The following SMG6 variants were observed in gnomAD, a reference collection of about 807,000 sequenced individuals.
The protein encoded by SMG6 is telomerase-binding protein EST1A.
In SMG6, 66 loss-of-function variants were observed where a neutral mutation model predicts 142.2. The ratio of observed to expected loss-of-function variants is 0.46; its 90% CI spans 0.38 to 0.57. SMG6 has a LOEUF of 0.57. Among genes scored for constraint, SMG6 ranks in the 20% least tolerant of loss-of-function variants. The pLI is 0.00. For synonymous variants in SMG6, 779 were observed against 702.4 expected (o/e 1.11, Z -1.72); for missense variants, 1,793 against 1,832.0 (o/e 0.98, Z 0.39).
chr17:2,263,289 C>A (rs576193779), intron 8 of SMG6, among the ~76,000 whole-genome samples: 51 of 152,272 alleles, frequency 3.3e-4, no homozygotes, highest in Non-Finnish European at 6.9e-4. Flanking sequence ...AAAGACACCA[C>A]GCAACACAAA....
At chr17:2,180,332 C>A (rs1360468817) in intron 12 of SMG6, among the ~76,000 whole-genome samples, 2 of 152,196 alleles carry the variant, frequency 1.3e-5, no homozygotes, top group Non-Finnish European at 2.9e-5. Flanking sequence ...AGGCCACTTT[C>A]CACATCCTGC....
At chr17:2,137,668 C>T (rs186630711) in intron 13 of SMG6, among the ~76,000 whole-genome samples, 32 of 152,126 alleles carry the variant, frequency 2.1e-4, no homozygotes, top group Non-Finnish European at 3.2e-4. Context: ...AGAATGACCC[C>T]AGCAAGCAGA....
chr17:2,065,221 G>T, intron 17 of SMG6, 67 bp from the exon 18 acceptor site: 1 of 1,196,582 alleles, frequency 8.4e-7, no homozygotes, highest in Non-Finnish European at 1.2e-6. Flanking sequence ...GAGGAGGAGG[G>T]ATCCTCTGCC....
At chr17:2,174,256 C>A (rs1219924612) in intron 12 of SMG6, among the ~76,000 whole-genome samples, 3 of 152,134 alleles carry the variant, frequency 2.0e-5, no homozygotes, top group Non-Finnish European at 4.4e-5. Flanking sequence ...GAAGAATCAT[C>A]CTGGAATCTC....
At chr17:2,100,344 T>C (rs2068972201) in intron 13 of SMG6, among the ~76,000 whole-genome samples, 1 of 152,182 alleles carries the variant, frequency 6.6e-6, no homozygotes, top group South Asian at 2.1e-4. Flanking sequence ...GCCTAATCTT[T>C]GTATTTTTTT....
chr17:2,164,960 A>G (rs991163671), intron 13 of SMG6, among the ~76,000 whole-genome samples: 1 of 152,046 alleles, frequency 6.6e-6, no homozygotes, highest in Non-Finnish European at 1.5e-5. Flanking sequence ...AAAATCCTTG[A>G]TGACATCTGC....
intron 13 of SMG6, among the ~76,000 whole-genome samples, chr17:2,131,421 GAGT>G (rs1410702850): frequency 6.6e-6 from 1 of 151,896 alleles, no homozygotes; most frequent in Non-Finnish European, 1.5e-5. Context: ...TCAGCCTCCT[GAGT>G]AGCTAGGACT....
intron 13 of SMG6, among the ~76,000 whole-genome samples, chr17:2,116,901 G>C (rs2069524388): frequency 6.6e-6 from 1 of 151,438 alleles, no homozygotes; most frequent in Non-Finnish European, 1.5e-5. Context: ...GAAAAACATG[G>C]GTAAAAATCA....
intron 8 of SMG6, among the ~76,000 whole-genome samples, chr17:2,246,933 G>C (rs1420345397): frequency 6.6e-6 from 1 of 152,176 alleles, no homozygotes; most frequent in African/African-American, 2.4e-5. Context: ...ACAACAAAGA[G>C]CGAAACTCTG....
At chr17:2,292,656 A>G in intron 5 of SMG6, 26 bp from the exon 6 acceptor site, 1 of 1,612,388 alleles carries the variant, frequency 6.2e-7, no homozygotes, top group Non-Finnish European at 8.5e-7. Context: ...CAGTAAGAAA[A>G]TGCTAGTTCC....
At chr17:2,205,508 A>C (rs1316217464) in intron 10 of SMG6, among the ~76,000 whole-genome samples, 1 of 152,222 alleles carries the variant, frequency 6.6e-6, no homozygotes, top group East Asian at 1.9e-4. Context: ...AGTAGATTAG[A>C]GAATCAAGAC....
In SMG6 at chr17:2,085,699, C is replaced by T; in HGVS notation, c.3534+26G>A. The T allele has an allele frequency of 6.3e-7, 1 of 1,593,554 alleles. No individual in the cohort carries two copies. The highest frequency in any genetic ancestry group is 8.5e-7 in the Non-Finnish European group (1 of 1,170,192). On this transcript the variant is annotated intron_variant, in intron 14 of 18. Transcript: ENST00000263073. This position sits in a 1 kb window ranked among gnomAD's most constrained non-coding sequence, Gnocchi z 4.1. ...AATGGGGAGGGGGCCTTCCCTCTGCCACAGCGGGCTCTTCCCGCATAGTAC... is the reference window on the plus strand; with the variant it reads ...AATGGGGAGGGGGCCTTCCCTCTGCTACAGCGGGCTCTTCCCGCATAGTAC...
intron 13 of SMG6, among the ~76,000 whole-genome samples, chr17:2,134,140 TA>T (rs926433993): frequency 1.3e-5 from 2 of 152,100 alleles, no homozygotes; most frequent in Non-Finnish European, 2.9e-5. Flanking sequence ...GTCTAAGTCT[TA>T]ATCTTCTCAG....
At chr17:2,269,122 C>G (rs216180) in intron 8 of SMG6, among the ~76,000 whole-genome samples, 86,440 of 149,738 alleles carry the variant, frequency 0.58, 26,038 homozygotes, top group East Asian at 0.76. Context: ...CGAGAGGCTG[C>G]GGCAGGAGAA....
In SMG6 at chr17:2,299,600, C is replaced by A. The variant is rs1384475182; in HGVS notation, c.1153G>T (p.Gly385Trp). 1.2e-6 allele frequency: 2 copies of A among 1,614,208 alleles called. No individual in the cohort carries two copies. The highest frequency in any genetic ancestry group is 2.2e-5 in the East Asian group (1 of 44,884). ...RGKPDKGLSS[G>W]GKGSEKQESK... Reference sequence around the variant, plus strand: ...TCCTGCTTCTCAGAGCCTTTGCCCCCACTGCTCAAGCCTTTGTCAGGCTTT... The same window carrying A: ...TCCTGCTTCTCAGAGCCTTTGCCCCAACTGCTCAAGCCTTTGTCAGGCTTT... The change falls in exon 2 of 19, where the codon GGG (glycine) becomes TGG (tryptophan). Residue 385 changes from glycine (G) to tryptophan (W), a missense_variant. By Grantham distance (184) the Gly-to-Trp change is radical. This residue lies in a region of SMG6 where 1,597 missense variants were observed against 1,584.6 expected (regional missense o/e 1.01). Transcript: ENST00000263073. The surrounding 1 kb of genome is among the most constrained non-coding windows in gnomAD (Gnocchi z 4.3).
chr17:2,221,379 A>T (rs1487163689), intron 10 of SMG6, among the ~76,000 whole-genome samples: 1 of 152,168 alleles, frequency 6.6e-6, no homozygotes, highest in East Asian at 1.9e-4. Context: ...CAGCCATGGA[A>T]GACGTGCCTC....
intron 13 of SMG6, chr17:2,117,586 C>G (rs993452448): frequency 2.0e-5 from 3 of 152,070 alleles, no homozygotes; most frequent in African/African-American, 7.2e-5. Context: ...TAGGAATAAA[C>G]TTAACAGACA....
At chr17:2,230,322 A>G (rs2073450373) in intron 10 of SMG6, among the ~76,000 whole-genome samples, 1 of 119,108 alleles carries the variant, frequency 8.4e-6, no homozygotes, top group Non-Finnish European at 1.7e-5. Flanking sequence ...AAAAAAAAAA[A>G]AAAAAAAAAA....
intron 13 of SMG6, among the ~76,000 whole-genome samples, chr17:2,157,893 T>C (rs1000143173): frequency 3.9e-5 from 6 of 152,186 alleles, no homozygotes; most frequent in Admixed American, 3.3e-4. Flanking sequence ...GAAGCTGAAT[T>C]AGAAATCCCT....
Sources: allele counts gnomAD v4.1 joint callset (sites outside exome capture counted in the v4.1 genomes callset), GRCh38; gene constraint gnomAD v4.1.1; regional missense constraint gnomAD v4.1.1; non-coding constraint Gnocchi (gnomAD v3.1); transcripts MANE v1.5; gene names NCBI Gene and HGNC (gene_info 2026-07-23, HGNC 2026-07-21).